EYA4: variants seen among roughly 807,000 people sequenced by gnomAD.
The protein encoded by EYA4 is protein phosphatase EYA4.
A neutral mutation model predicts 87.9 loss-of-function variants in EYA4; 31 were observed. The observed-to-expected ratio is 0.35, with a 90% CI of 0.27 to 0.48. EYA4 has a LOEUF of 0.48. EYA4 is among the 20% of genes least tolerant of loss of function. The pLI is 0.99. For synonymous variants in EYA4, 263 were observed against 270.6 expected, an observed-to-expected ratio of 0.97 and a Z score of 0.28; for missense variants, 678 against 761.4, an observed-to-expected ratio of 0.89 and a Z score of 1.29.
In EYA4 at chr6:133,468,586, C is replaced by T. The variant is rs1326943870; in HGVS notation, c.825C>T (p.Ala275=). The T allele has an allele frequency of 6.2e-7, 1 of 1,611,984 alleles. No homozygotes were observed. Among genetic ancestry groups the T allele is most frequent in the Non-Finnish European group, 8.5e-7 (1 of 1,178,402 alleles). The part of the protein sequence containing the change: ...GSQQDYPSYT[A]FGQNQYAQYY... ...TTCAGGATTATCCATCCTATACAGC[C>T]TTTGGCCAAAACCAGTATGCACAGT... The change falls in exon 11 of 20, where the codon GCC becomes GCT. Residue 275 remains alanine, a synonymous_variant. Coordinates refer to ENST00000355286, the MANE Select transcript of EYA4 (RefSeq NM_004100.5).
At chr6:133,432,602 A>C (rs763056362) in intron 3 of EYA4, among the ~76,000 whole-genome samples, 3 of 151,738 alleles carry the variant, frequency 2.0e-5, no homozygotes, top group Non-Finnish European at 4.4e-5. Flanking sequence ...CACAACTTCA[A>C]CCATTGCTTG....
chr6:133,424,931 C>A lies in EYA4; in HGVS notation c.84-21699C>A, dbSNP rs527503917. Among the ~76,000 whole-genome samples, 127 of 150,948 alleles carry A rather than the reference C, an allele frequency of 8.4e-4. 6 individuals carry two copies. The highest frequency in any genetic ancestry group is 3.0e-3 in the African/African-American group (123 of 40,404). ...CCTGCTACAGCCAGTGTGATGGCAT[C>A]AACTACTGCCATCACTACCACCTTC... On this transcript the variant is annotated intron_variant, in intron 3 of 19. Coordinates refer to ENST00000355286, the MANE Select transcript of EYA4 (RefSeq NM_004100.5).
At chr6:133,247,278 A>G (rs1442914345) in intron 1 of EYA4, 1 of 152,244 alleles carries the variant, frequency 6.6e-6, no homozygotes, top group Non-Finnish European at 1.5e-5. Context: ...ATGTTTCCCA[A>G]TTATCAAGAA....
At chr6:133,356,927 G>A (rs1784095304) in intron 2 of EYA4, among the ~76,000 whole-genome samples, 1 of 151,534 alleles carries the variant, frequency 6.6e-6, no homozygotes, top group African/African-American at 2.4e-5. Context: ...GCTAATCTGA[G>A]TCTTTTTGAA....
At chr6:133,450,245 G>A (rs938229205) in intron 5 of EYA4, among the ~76,000 whole-genome samples, 2 of 152,048 alleles carry the variant, frequency 1.3e-5, no homozygotes, top group African/African-American at 4.8e-5. Flanking sequence ...TCAGCCTCCC[G>A]AAGTGCTGGG....
Position 133,335,866 on chromosome 6 carries a change from C to T in EYA4, c.34-46526C>T, listed in dbSNP as rs1454282624. ...CTTTGTCCCTAGAGCAATAGGAAAG[C>T]TTTAACAAGTTAGAGAGACAGTGAG... is the stretch of plus-strand genomic sequence containing the variant. On this transcript the variant is annotated intron_variant, in intron 2 of 19. Transcript: ENST00000355286. Among the ~76,000 whole-genome samples the T allele has an allele frequency of 3.9e-5, 6 of 152,072 alleles. No individual in the cohort carries two copies. The East Asian group carries it at 7.7e-4, about 20-fold the overall frequency.
intron 13 of EYA4, among the ~76,000 whole-genome samples, chr6:133,491,036 G>A (rs962868367): frequency 5.9e-5 from 9 of 152,124 alleles, no homozygotes; most frequent in Admixed American, 3.9e-4. Context: ...AGTAAAATTA[G>A]AAATCAATAA....
intron 2 of EYA4, among the ~76,000 whole-genome samples, chr6:133,307,987 C>T (rs1779937327): frequency 6.6e-6 from 1 of 152,078 alleles, no homozygotes; most frequent in African/African-American, 2.4e-5. Flanking sequence ...GGATAAGTCT[C>T]ATGAGATCTG....
At chr6:133,425,680 C>T (rs897233730) in intron 3 of EYA4, among the ~76,000 whole-genome samples, 3 of 150,656 alleles carry the variant, frequency 2.0e-5, no homozygotes, top group Admixed American at 6.6e-5. Context: ...ACTTTGTTGC[C>T]GCTATGACTG....
In EYA4 at chr6:133,528,787, G is replaced by A; in HGVS notation, c.1902G>A (p.Leu634=). The change falls in exon 20 of 20, where the codon CTG becomes CTA. Residue 634 remains leucine (L), a synonymous_variant. Transcript: ENST00000355286. ...ACCTCCTGGCTCTCCACCAAGCACT[G>A]GAATTAGAGTATTTGTAACTGTGTT... is the stretch of plus-strand genomic sequence containing the variant. ...HSDLLALHQA[L]ELEYL is the part of the protein sequence containing the mutation. The A allele has an allele frequency of 1.2e-6, 2 of 1,613,574 alleles. No individual in the cohort carries two copies. The highest frequency in any genetic ancestry group is 1.7e-6 in the Non-Finnish European group (2 of 1,179,674).
intron 5 of EYA4, among the ~76,000 whole-genome samples, chr6:133,451,605 A>G (rs1247902757): frequency 6.6e-6 from 1 of 152,220 alleles, no homozygotes; most frequent in Non-Finnish European, 1.5e-5. Flanking sequence ...ATGCCAGGAA[A>G]TGGGAACCCA....
chr6:133,507,965 G>A (rs1798794593), intron 14 of EYA4, among the ~76,000 whole-genome samples: 1 of 151,926 alleles, frequency 6.6e-6, no homozygotes, highest in Non-Finnish European at 1.5e-5. Flanking sequence ...TTCCACAATG[G>A]TTGAACTAAT....
intron 3 of EYA4, among the ~76,000 whole-genome samples, chr6:133,408,052 T>A (rs1472651496): frequency 1.3e-5 from 2 of 152,234 alleles, no homozygotes; most frequent in Non-Finnish European, 2.9e-5. Flanking sequence ...TCCTGAACTA[T>A]AATACATATC....
At chr6:133,386,938 G>T (rs1269586046) in intron 3 of EYA4, among the ~76,000 whole-genome samples, 1 of 152,182 alleles carries the variant, frequency 6.6e-6, no homozygotes, top group African/African-American at 2.4e-5. Flanking sequence ...AATTGAGTTT[G>T]CTGAGAACTT....
intron 13 of EYA4, among the ~76,000 whole-genome samples, chr6:133,498,817 G>T (rs1054616194): frequency 1.8e-4 from 27 of 152,142 alleles, no homozygotes; most frequent in African/African-American, 6.3e-4. Context: ...GGGAATTGGG[G>T]AATCATTGCT....
At chr6:133,412,813 C>G (rs1336295499) in intron 3 of EYA4, among the ~76,000 whole-genome samples, 1 of 152,110 alleles carries the variant, frequency 6.6e-6, no homozygotes, top group Admixed American at 6.5e-5. Context: ...TACATTGTGG[C>G]CTTTGGCTGC....
At chr6:133,319,820 A>G (rs1347669314) in intron 2 of EYA4, among the ~76,000 whole-genome samples, 1 of 151,484 alleles carries the variant, frequency 6.6e-6, no homozygotes, top group Non-Finnish European at 1.5e-5. Flanking sequence ...AGCTCAAGCG[A>G]TCCTCCCATC....
intron 12 of EYA4, among the ~76,000 whole-genome samples, chr6:133,481,971 A>C (rs149168944): frequency 9.3e-4 from 141 of 152,332 alleles, no homozygotes; most frequent in African/African-American, 3.3e-3. Flanking sequence ...CAAATGGGTC[A>C]TTAAGTTTAA....
chr6:133,468,612 A>G lies in EYA4; in HGVS notation c.851A>G (p.Tyr284Cys). Reference sequence around the variant, plus strand: ...TTTGGCCAAAACCAGTATGCACAGTATTATTCAGCATCAACGTATGGAGCG... The same window carrying G: ...TTTGGCCAAAACCAGTATGCACAGTGTTATTCAGCATCAACGTATGGAGCG... Reference protein sequence around the residue: ...TAFGQNQYAQYYSASTYGAYM... With the variant: ...TAFGQNQYAQCYSASTYGAYM... The change falls in exon 11 of 20, where the codon TAT becomes TGT. Residue 284 changes from tyrosine (Y) to cysteine (C), a missense_variant. Transcript: ENST00000355286. 1 of 1,612,798 alleles carries G rather than the reference A, an allele frequency of 6.2e-7. No individual in the cohort carries two copies. Among genetic ancestry groups the G allele is most frequent in the Non-Finnish European group, 8.5e-7 (1 of 1,179,070 alleles).
Sources: gnomAD v4.1 joint callset for allele counts (sites outside exome capture counted in the v4.1 genomes callset) on GRCh38, gnomAD v4.1.1 for gene constraint, MANE v1.5 for transcripts, NCBI Gene and HGNC (gene_info 2026-07-23, HGNC 2026-07-21) for gene names.